Variants in WRAP73 observed in about 807,000 individuals in gnomAD.
WRAP73 encodes the protein WD repeat containing, antisense to TP73, also known as WD repeat-containing protein WRAP73.
In WRAP73, 55 loss-of-function variants were observed where a neutral mutation model predicts 59.6. The ratio of observed to expected loss-of-function variants is 0.92; its 90% confidence interval spans 0.74 to 1.15. The LOEUF (loss-of-function observed/expected upper bound fraction) is 1.15. Ranked by LOEUF, WRAP73 falls within the 50% of genes most tolerant of loss-of-function variation. WRAP73 has a pLI of 0.00. For missense variants in WRAP73, 592 were observed against 608.1 expected (o/e 0.97, Z 0.28); for synonymous variants, 265 against 258.2 (o/e 1.03, Z -0.25).
chr1:3,635,826 A>G, intron 6 of WRAP73, 118 bp downstream of exon 6: 2 of 910,426 alleles, frequency 2.2e-6, no homozygotes, highest in South Asian at 3.2e-5. Context: ...GTCTTTTAAA[A>G]CAAAGCTCAA....
intron 1 of WRAP73, 22 bp from the exon 2 acceptor site, chr1:3,647,582 G>C (rs1644704141): frequency 6.2e-7 from 1 of 1,607,452 alleles, no homozygotes; most frequent in Non-Finnish European, 8.5e-7. Flanking sequence ...GAGAAAGCAA[G>C]CACCTGACAT....
intron 5 of WRAP73, chr1:3,636,308 C>T: frequency 2.2e-6 from 1 of 447,564 alleles, no homozygotes; most frequent in Non-Finnish European, 4.1e-6. Context: ...CCTTTCCTTG[C>T]CTGGCCAGCC....
At chr1:3,649,694 G>A (rs1442331915) in intron 1 of WRAP73, among the ~76,000 whole-genome samples, 2 of 150,442 alleles carry the variant, frequency 1.3e-5, no homozygotes, top group East Asian at 3.9e-4. Context: ...CCTGCTTGGG[G>A]CACCTCCCCG....
chr1:3,631,145 T>A, intron 11 of WRAP73, 28 bp from the exon 12 acceptor site: 1 of 1,612,620 alleles, frequency 6.2e-7, no homozygotes, highest in South Asian at 1.1e-5. Flanking sequence ...GCCAGAGGAT[T>A]ACAGCAGGGG....
In WRAP73 at chr1:3,637,055, T is replaced by C. The variant is rs781481173; in HGVS notation, c.456A>G (p.Glu152=). Residue 152 remains glutamate, a synonymous_variant, in exon 5 of 12, where the codon GAA becomes GAG. Coordinates refer to ENST00000270708, the MANE Select transcript of WRAP73 (RefSeq NM_017818.4). The stretch of plus-strand genomic sequence containing the variant: ...TCACGTAATCTTTGCAGTCGCGCCG[T>C]TCTGCCAGCGCCATGTAGCGGCCGT... ...TRDGRYMALA[E]RRDCKDYVSI... The C allele has an allele frequency of 6.2e-7, 1 of 1,613,444 alleles. No individual in the cohort carries two copies. The highest frequency in any genetic ancestry group is 1.1e-5 in the South Asian group (1 of 91,026).
intron 10 of WRAP73, 25 bp from the exon 11 acceptor site, chr1:3,631,682 G>T: frequency 6.4e-7 from 1 of 1,570,618 alleles, no homozygotes; most frequent in Non-Finnish European, 8.6e-7. Context: ...ACAGGGCACC[G>T]GTGTCATCCC....
intron 11 of WRAP73, 40 bp from the exon 12 acceptor site, chr1:3,631,157 G>A: frequency 6.2e-7 from 1 of 1,611,226 alleles, no homozygotes; most frequent in Middle Eastern, 1.7e-4. Flanking sequence ...CAGCAGGGGA[G>A]GCCCAGATTC....
chr1:3,645,594 T>TC (rs1294563583), intron 3 of WRAP73, among the ~76,000 whole-genome samples: 1 of 152,168 alleles, frequency 6.6e-6, no homozygotes, highest in Non-Finnish European at 1.5e-5. Context: ...CTATGAGCAC[T>TC]CAGTGGACTT....
At chr1:3,640,658 G>A (rs1644634548) in intron 3 of WRAP73, among the ~76,000 whole-genome samples, 1 of 150,184 alleles carries the variant, frequency 6.7e-6, no homozygotes, top group South Asian at 2.1e-4. Flanking sequence ...CATCAGCAGG[G>A]CAGGGTGGAG....
At position 3,631,458 on chromosome 1, in the gene WRAP73, G is replaced by A; in HGVS notation, c.1240+8C>T. 6.3e-7 allele frequency: 1 copy of A among 1,585,548 alleles called. No individual in the cohort carries two copies. Among genetic ancestry groups the A allele is most frequent in the Non-Finnish European group, 8.6e-7 (1 of 1,165,466 alleles). On this transcript the variant is annotated splice_region_variant and intron_variant, in intron 11 of 11. Transcript: ENST00000270708. ...CTGCCACGTCCGTGGCCTCGGGGAT[G>A]TGCTTACCTTCCCCAGGCACCTGCA...
At chr1:3,640,647 G>A (rs1266083254) in intron 3 of WRAP73, among the ~76,000 whole-genome samples, 2 of 144,796 alleles carry the variant, frequency 1.4e-5, no homozygotes. Context: ...GAGGCTCTGA[G>A]CATCAGCAGG....
chr1:3,647,471 G>T lies in WRAP73; in HGVS notation c.159C>A (p.His53Gln). 6.2e-7 allele frequency: 1 copy of T among 1,613,974 alleles called. No homozygotes were observed. The highest frequency in any genetic ancestry group is 2.2e-5 in the East Asian group (1 of 44,884). The stretch of plus-strand genomic sequence containing the variant: ...AGAGCGAGTCTGCCGACCACTCGAT[G>T]TGCTGGATCTGGTCTAGGCACGTGT... ...QLYTCLDQIQ[H>Q]IEWSADSLFI... The change falls in exon 2 of 12, where the codon CAC becomes CAA. Residue 53 changes from histidine to glutamine, a missense_variant. By Grantham distance (24) the His-to-Gln change is conservative (BLOSUM62 0). Transcript: ENST00000270708.
At chr1:3,631,225 T>C (rs1644529636) in intron 11 of WRAP73, 108 bp from the exon 12 acceptor site, 2 of 1,528,080 alleles carry the variant, frequency 1.3e-6, no homozygotes, top group South Asian at 2.5e-5. Context: ...GTGACCCACA[T>C]AGGCAGAGCC....
chr1:3,647,089 C>T (rs1644699411), intron 2 of WRAP73, among the ~76,000 whole-genome samples: 1 of 152,170 alleles, frequency 6.6e-6, no homozygotes, highest in Non-Finnish European at 1.5e-5. Flanking sequence ...CATTGTCATT[C>T]CTAAGACCTC....
At chr1:3,632,063 G>A in intron 10 of WRAP73, 150 bp downstream of exon 10, 1 of 1,495,744 alleles carries the variant, frequency 6.7e-7, no homozygotes. Context: ...CCTCCAAGGA[G>A]CTTCTGTGAG....
At chr1:3,640,511 CGG>C (rs1644630899) in intron 3 of WRAP73, among the ~76,000 whole-genome samples, 1 of 21,948 alleles carries the variant, frequency 4.6e-5, no homozygotes. Flanking sequence ...ATCAGCAGGG[CGG>C]GGTGCAGCGC....
intron 1 of WRAP73, among the ~76,000 whole-genome samples, chr1:3,649,473 C>A (rs989918261): frequency 6.6e-6 from 1 of 152,230 alleles, no homozygotes; most frequent in African/African-American, 2.4e-5. Context: ...GAGCCGACAT[C>A]TCCTATACCC....
At chr1:3,644,836 G>C (rs1255904297) in intron 3 of WRAP73, among the ~76,000 whole-genome samples, 1 of 152,220 alleles carries the variant, frequency 6.6e-6, no homozygotes, top group East Asian at 1.9e-4. Context: ...AAACTCTATA[G>C]ATGGTAGTTT....
Position 3,646,908 on chromosome 1 carries a change from T to C in WRAP73, c.223-126A>G. On this transcript the variant is annotated intron_variant, in intron 2 of 11. Transcript: ENST00000270708. This position sits in a 1 kb window ranked among gnomAD's most constrained non-coding sequence, Gnocchi z 5.1. Reference sequence around the variant, plus strand: ...GGTGTCTTCAAACTCATCAGCAGTCTATAGCGAGGCCTCGCCGAGAGACAA... The same window carrying C: ...GGTGTCTTCAAACTCATCAGCAGTCCATAGCGAGGCCTCGCCGAGAGACAA... 1 of 732,114 alleles carries C rather than the reference T, an allele frequency of 1.4e-6. No individual in the cohort carries two copies. 45.4% of individuals were successfully genotyped at this position (732,114 alleles called of 1,614,324 possible). A position where few individuals can be genotyped will look rare whatever the true frequency, so the allele number is the denominator to read the frequency against.
Sources: gnomAD v4.1 joint callset for allele counts (sites outside exome capture counted in the v4.1 genomes callset) on GRCh38, gnomAD v4.1.1 for gene constraint, Gnocchi (gnomAD v3.1) non-coding constraint, MANE v1.5 for transcripts, NCBI Gene and HGNC (gene_info 2026-07-23, HGNC 2026-07-21) for gene names.